Variants in MTSS1 observed in about 807,000 individuals in gnomAD.
MTSS1 encodes the protein MTSS I-BAR domain containing 1.
A neutral mutation model predicts 79.0 loss-of-function variants in MTSS1; 18 were observed. That is an observed-to-expected ratio of 0.23 (90% confidence interval 0.16 to 0.34). The LOEUF (loss-of-function observed/expected upper bound fraction) is 0.34, where lower values mean the gene tolerates loss of function less well. Among genes scored for constraint, MTSS1 ranks in the 10% least tolerant of loss-of-function variants. The pLI, the probability that MTSS1 is intolerant of heterozygous loss-of-function variation, is 1.00. For missense variants in MTSS1, 815 were observed against 986.2 expected, an observed-to-expected ratio of 0.83 and a Z score of 2.33; for synonymous variants, 341 against 368.6, an observed-to-expected ratio of 0.93 and a Z score of 0.86.
intron 1 of MTSS1, among the ~76,000 whole-genome samples, chr8:124,716,961 A>G (rs1469740412): frequency 4.6e-5 from 7 of 151,700 alleles, no homozygotes; most frequent in Non-Finnish European, 1.0e-4. Flanking sequence ...ATCAATGTCT[A>G]GTCACAAGGA....
chr8:124,626,578 T>C (rs771489427), intron 3 of MTSS1, among the ~76,000 whole-genome samples: 20 of 152,078 alleles, frequency 1.3e-4, no homozygotes, highest in African/African-American at 3.4e-4. Context: ...TCCACTGGGC[T>C]GGAGGGGGGC....
chr8:124,668,547 G>C (rs867092645), intron 3 of MTSS1, among the ~76,000 whole-genome samples: 1 of 152,270 alleles, frequency 6.6e-6, no homozygotes, highest in South Asian at 2.1e-4. Context: ...TTTGTGTCAG[G>C]ATGGAAAACA....
chr8:124,636,062 G>A (rs1816926813), intron 3 of MTSS1, among the ~76,000 whole-genome samples: 1 of 152,148 alleles, frequency 6.6e-6, no homozygotes, highest in South Asian at 2.1e-4. Flanking sequence ...CTTAGGCTAG[G>A]AGCGCAGAGT....
At chr8:124,592,896 T>C (rs1003623823) in intron 3 of MTSS1, among the ~76,000 whole-genome samples, 1 of 152,210 alleles carries the variant, frequency 6.6e-6, no homozygotes, top group East Asian at 1.9e-4. Context: ...TCCAGACTTG[T>C]GATCCTCCAA....
intron 1 of MTSS1, among the ~76,000 whole-genome samples, chr8:124,720,048 G>T (rs1832684709): frequency 6.6e-6 from 1 of 152,212 alleles, no homozygotes; most frequent in African/African-American, 2.4e-5. Context: ...ATGTCACAAA[G>T]AATGTGAAAA....
At chr8:124,630,886 C>T (rs1815791579) in intron 3 of MTSS1, among the ~76,000 whole-genome samples, 1 of 152,188 alleles carries the variant, frequency 6.6e-6, no homozygotes, top group Admixed American at 6.5e-5. Context: ...ATTATGGAAA[C>T]CTTTGGAGGC....
intron 12 of MTSS1, 148 bp from the exon 13 acceptor site, chr8:124,556,052 C>G: frequency 6.5e-7 from 1 of 1,540,788 alleles, no homozygotes; most frequent in East Asian, 2.4e-5. Context: ...AAAGTTCTGC[C>G]TCTCTCATTC....
At chr8:124,659,933 C>T (rs2134348622) in intron 3 of MTSS1, among the ~76,000 whole-genome samples, 1 of 152,288 alleles carries the variant, frequency 6.6e-6, no homozygotes, top group Non-Finnish European at 1.5e-5. Context: ...TCATCTCTTC[C>T]TGACTCTCTC....
chr8:124,666,437 A>G (rs1823092151), intron 3 of MTSS1, among the ~76,000 whole-genome samples: 2 of 152,262 alleles, frequency 1.3e-5, no homozygotes, highest in African/African-American at 4.8e-5. Flanking sequence ...CTGAAGAAAA[A>G]TACTGATGGA....
chr8:124,648,720 G>A (rs1438349182), intron 3 of MTSS1, among the ~76,000 whole-genome samples: 1 of 129,834 alleles, frequency 7.7e-6, no homozygotes, highest in African/African-American at 3.6e-5. Context: ...CCCCCCCCCA[G>A]ATACTGACCA....
At chr8:124,558,449 C>T (rs570315897) in intron 10 of MTSS1, among the ~76,000 whole-genome samples, 1 of 152,248 alleles carries the variant, frequency 6.6e-6, no homozygotes, top group African/African-American at 2.4e-5. Context: ...CACGCAACAC[C>T]TGGTCTGGGA....
chr8:124,678,045 T>C (rs1825586255), intron 3 of MTSS1, among the ~76,000 whole-genome samples: 1 of 152,132 alleles, frequency 6.6e-6, no homozygotes, highest in Admixed American at 6.5e-5. Context: ...CCCCCAAACA[T>C]TTTGATCCCC....
rs1213000134 is a variant in MTSS1 at position 124,640,619 on chromosome 8, C to A, written c.209-49384G>T. Among the ~76,000 whole-genome samples the A allele has an allele frequency of 3.9e-5, 6 of 152,234 alleles. No individual in the cohort carries two copies. The East Asian group carries it at 7.7e-4, about 20-fold the overall frequency. On this transcript the variant is annotated intron_variant, in intron 3 of 13. Coordinates refer to ENST00000518547, the MANE Select transcript of MTSS1 (RefSeq NM_014751.6). ...AGTGCAATGGCGTGATCTCAGCTCACTGCAACCTCCGCCTTCTGGGTTCAA... is the reference window on the plus strand; with the variant it reads ...AGTGCAATGGCGTGATCTCAGCTCAATGCAACCTCCGCCTTCTGGGTTCAA...
chr8:124,722,920 G>A (rs1222640394), intron 1 of MTSS1, among the ~76,000 whole-genome samples: 2 of 152,138 alleles, frequency 1.3e-5, no homozygotes, highest in East Asian at 1.9e-4. Context: ...AAGGAATCTT[G>A]CCAGCTATCG....
chr8:124,685,973 G>A (rs1380525873), intron 3 of MTSS1, among the ~76,000 whole-genome samples: 1 of 152,080 alleles, frequency 6.6e-6, no homozygotes, highest in Non-Finnish European at 1.5e-5. Context: ...AGGTGGCCAG[G>A]GACCCCCAAA....
chr8:124,660,432 G>GCACGCA (rs1554703691), intron 3 of MTSS1, among the ~76,000 whole-genome samples: 1 of 140,706 alleles, frequency 7.1e-6, no homozygotes, highest in Non-Finnish European at 1.6e-5. Context: ...CCATGCGCAT[G>GCACGCA]CACACACACA....
At chr8:124,599,185 T>A (rs1833306317) in intron 3 of MTSS1, among the ~76,000 whole-genome samples, 1 of 151,918 alleles carries the variant, frequency 6.6e-6, no homozygotes, top group Admixed American at 6.6e-5. Context: ...AGGGTTCAAG[T>A]TTAAAAGATC....
intron 3 of MTSS1, among the ~76,000 whole-genome samples, chr8:124,594,758 CT>C (rs1832469382): frequency 6.6e-6 from 1 of 152,228 alleles, no homozygotes; most frequent in South Asian, 2.1e-4. Flanking sequence ...CAGGACTGAG[CT>C]ATTAGAATCA....
chr8:124,599,220 C>T lies in MTSS1; in HGVS notation c.209-7985G>A, dbSNP rs530363930. 5.2e-5 allele frequency among the ~76,000 whole-genome samples: 7 copies of T among 133,650 alleles called. No individual in the cohort carries two copies. The South Asian group carries it at 6.8e-4, about 13-fold the overall frequency. 87.7% of individuals were successfully genotyped at this position (133,650 alleles called of 152,430 possible). A position where few individuals can be genotyped will look rare whatever the true frequency, so the allele number is the denominator to read the frequency against. On this transcript the variant is annotated intron_variant, in intron 3 of 13. Transcript: ENST00000518547. The stretch of plus-strand genomic sequence containing the variant: ...CTAAGTAGCCGGGTGCGGTGGCTCA[C>T]GCCTGTAATCCCCAACACTTTGGGA...
Sources: allele counts gnomAD v4.1 joint callset (sites outside exome capture counted in the v4.1 genomes callset), GRCh38; gene constraint gnomAD v4.1.1; transcripts MANE v1.5; gene names NCBI Gene and HGNC (gene_info 2026-07-23, HGNC 2026-07-21).